Variants in SPG7 observed in about 807,000 individuals in gnomAD.
The protein encoded by SPG7 is mitochondrial inner membrane m-AAA protease component paraplegin.
In SPG7, 103 loss-of-function variants were observed where a neutral mutation model predicts 81.9. The observed-to-expected ratio is 1.26, with a 90% CI of 1.07 to 1.48. SPG7 has a LOEUF of 1.48. SPG7 is among the 40% of genes most tolerant of loss of function. SPG7 has a pLI of 0.00. For synonymous variants in SPG7, 534 were observed against 444.2 expected, an observed-to-expected ratio of 1.20 and a Z score of -2.54; for missense variants, 1,241 against 1,087.3, an observed-to-expected ratio of 1.14 and a Z score of -1.99.
intron 2 of SPG7, among the ~76,000 whole-genome samples, chr16:89,512,641 A>T (rs933833636): frequency 6.6e-6 from 1 of 152,222 alleles, no homozygotes; most frequent in Non-Finnish European, 1.5e-5. Context: ...AACTTCATAT[A>T]TTAAAGGGAT....
At chr16:89,529,735 T>C in intron 6 of SPG7, 156 bp downstream of exon 6, 1 of 705,376 alleles carries the variant, frequency 1.4e-6, no homozygotes, top group Non-Finnish European at 2.6e-6. Flanking sequence ...TTTCCCATGG[T>C]CCGGCTGTAA....
chr16:89,510,642 C>A, intron 2 of SPG7, 50 bp downstream of exon 2: 1 of 1,104,468 alleles, frequency 9.1e-7, no homozygotes, highest in Non-Finnish European at 1.4e-6. Context: ...CACTTACCGC[C>A]TCAGCTACTT....
At chr16:89,548,900 C>T (rs936189457) in intron 12 of SPG7, 3 of 452,098 alleles carry the variant, frequency 6.6e-6, no homozygotes, top group South Asian at 3.1e-5. Context: ...CACGAGCCTC[C>T]TTTGCGAGCT....
rs1304683983 is a variant in SPG7 at position 89,536,483 on chromosome 16, A to AGGCCG, written c.1324+3849_1324+3850insCCGGG. Reference sequence around the variant, plus strand: ...GCGGGTGAGGCGGGTGAGGCGGGTGAGGTCAGGTGAGGCAGGTGAGGTGAG... The same window carrying AGGCCG: ...GCGGGTGAGGCGGGTGAGGCGGGTGAGGCCGGGTCAGGTGAGGCAGGTGAGGTGAG... On this transcript the variant is annotated intron_variant, in intron 9 of 16. Transcript: ENST00000645818. Among the ~76,000 whole-genome samples the AGGCCG allele has an allele frequency of 3.0e-4, 29 of 95,786 alleles. 1 individual carries two copies. The highest frequency in any genetic ancestry group is 4.0e-4 in the Non-Finnish European group (18 of 45,348). The allele number at this position is 95,786 out of a possible 152,430, so 62.8% of individuals were successfully genotyped here.
At chr16:89,543,070 C>T (rs113684411) in intron 9 of SPG7, 3 of 151,102 alleles carry the variant, frequency 2.0e-5, no homozygotes, top group African/African-American at 7.3e-5. Context: ...GCTTCAGCCT[C>T]CGGAGTAGCT....
chr16:89,557,592 C>T lies in SPG7; in HGVS notation c.*499C>T, dbSNP rs2058700606. On this transcript the variant is annotated 3_prime_UTR_variant, in exon 17 of 17. Coordinates refer to ENST00000645818, the MANE Select transcript of SPG7 (RefSeq NM_003119.4). ...CACTCATCAATGGGGCCAGTCAGGCCCAGGCACTGGGCTCCGGAGGACTCA... is the reference window on the plus strand; with the variant it reads ...CACTCATCAATGGGGCCAGTCAGGCTCAGGCACTGGGCTCCGGAGGACTCA... 1 of 186,264 alleles carries T rather than the reference C, an allele frequency of 5.4e-6. No individual in the cohort carries two copies. Among genetic ancestry groups the T allele is most frequent in the Admixed American group, 5.4e-5 (1 of 18,572 alleles). 11.5% of individuals were successfully genotyped at this position (186,264 alleles called of 1,614,324 possible). A position where few individuals can be genotyped will look rare whatever the true frequency, so the allele number is the denominator to read the frequency against.
chr16:89,515,990 T>G (rs2058091468), intron 3 of SPG7, among the ~76,000 whole-genome samples: 1 of 152,064 alleles, frequency 6.6e-6, no homozygotes, highest in Admixed American at 6.5e-5. Flanking sequence ...ATTACAGGTG[T>G]GAGCCACCGT....
At chr16:89,553,290 T>C in intron 14 of SPG7, 155 bp downstream of exon 14, 1 of 855,314 alleles carries the variant, frequency 1.2e-6, no homozygotes. Flanking sequence ...CATAAGAGAG[T>C]TGGAGCTAAG....
Position 89,544,760 on chromosome 16 carries a change from C to T in SPG7, c.1437C>T (p.Leu479=). The T allele has an allele frequency of 1.2e-6, 2 of 1,614,058 alleles. No homozygotes were observed. Among genetic ancestry groups the T allele is most frequent in the African/African-American group, 1.3e-5 (1 of 75,068 alleles). Reference sequence around the variant, plus strand: ...TGGACCGGCACGTCTTCATTGATCTCCCCACGCTGCAGGTCAGAGCCAGGA... The same window carrying T: ...TGGACCGGCACGTCTTCATTGATCTTCCCACGCTGCAGGTCAGAGCCAGGA... The part of the protein sequence containing the change: ...GRLDRHVFID[L]PTLQERREIF... The change falls in exon 10 of 17, where the codon CTC becomes CTT. Residue 479 remains leucine, a synonymous_variant. Coordinates refer to ENST00000645818, the MANE Select transcript of SPG7 (RefSeq NM_003119.4).
chr16:89,544,588 G>T, intron 9 of SPG7, 60 bp from the exon 10 acceptor site: 1 of 1,606,746 alleles, frequency 6.2e-7, no homozygotes, highest in South Asian at 1.1e-5. Context: ...GAACCTGCAG[G>T]GGAAATCTGT....
At chr16:89,529,798 G>A (rs1340016903) in intron 6 of SPG7, 5 of 607,156 alleles carry the variant, frequency 8.2e-6, no homozygotes, top group Non-Finnish European at 1.5e-5. Context: ...ACTCTGGGGT[G>A]CCTGAGCCTT....
chr16:89,540,177 T>A (rs1001737682), intron 9 of SPG7: 1 of 152,212 alleles, frequency 6.6e-6, no homozygotes, highest in Admixed American at 6.5e-5. Context: ...TTACCAGAAT[T>A]GTTTCAGCTA....
At position 89,557,329 on chromosome 16, in the gene SPG7, G is replaced by A. The variant is rs1362935557; in HGVS notation, c.*236G>A. On this transcript the variant is annotated 3_prime_UTR_variant, in exon 17 of 17. Transcript: ENST00000645818. ...GTTTCCCCTATGGGGAAGGTTATCAGTGCTTCCCGAGTGAGCATGGAACAC... is the reference window on the plus strand; with the variant it reads ...GTTTCCCCTATGGGGAAGGTTATCAATGCTTCCCGAGTGAGCATGGAACAC... 2 of 559,254 alleles carry A rather than the reference G, an allele frequency of 3.6e-6. No individual in the cohort carries two copies. Among genetic ancestry groups the A allele is most frequent in the African/African-American group, 3.8e-5 (2 of 53,080 alleles). The allele number at this position is 559,254 out of a possible 1,614,324, so 34.6% of individuals were successfully genotyped here. A position where few individuals can be genotyped will look rare whatever the true frequency, so the allele number is the denominator to read the frequency against.
chr16:89,556,859 C>G (rs766264347), intron 16 of SPG7, 28 bp from the exon 17 acceptor site: 1 of 1,573,578 alleles, frequency 6.4e-7, no homozygotes, highest in Admixed American at 1.7e-5. Context: ...CCTGGGGACT[C>G]ACACACTGCT....
chr16:89,530,999 A>G (rs1291008364), intron 7 of SPG7, 191 bp downstream of exon 7: 10 of 744,028 alleles, frequency 1.3e-5, no homozygotes, highest in South Asian at 1.1e-4. Flanking sequence ...CCTCGTGCAC[A>G]TGGTTCAGCC....
chr16:89,551,730 A>T (rs2058635889), intron 13 of SPG7: 1 of 152,166 alleles, frequency 6.6e-6, no homozygotes, highest in African/African-American at 2.4e-5. Flanking sequence ...CTCTACCAAA[A>T]ATACAAAAGA....
chr16:89,528,046 G>A (rs1345084462), intron 5 of SPG7, among the ~76,000 whole-genome samples: 1 of 152,188 alleles, frequency 6.6e-6, no homozygotes, highest in East Asian at 1.9e-4. Flanking sequence ...AGAAGATGGA[G>A]GGTTGGGGCA....
intron 9 of SPG7, among the ~76,000 whole-genome samples, chr16:89,542,483 G>T (rs2058508016): frequency 6.6e-6 from 1 of 152,194 alleles, no homozygotes; most frequent in South Asian, 2.1e-4. Flanking sequence ...TCTCTTCTGT[G>T]ATCTCCCTTG....
intron 11 of SPG7, chr16:89,547,033 C>T (rs2058573687): frequency 2.3e-6 from 1 of 432,994 alleles, no homozygotes; most frequent in South Asian, 2.1e-5. Flanking sequence ...ATGTTGCTTC[C>T]ACACAGTGAC....
Sources: gnomAD v4.1 joint callset for allele counts (sites outside exome capture counted in the v4.1 genomes callset) on GRCh38, gnomAD v4.1.1 for gene constraint, MANE v1.5 for transcripts, NCBI Gene and HGNC (gene_info 2026-07-23, HGNC 2026-07-21) for gene names.